ENOX1: variants seen among roughly 807,000 people sequenced by gnomAD.
ENOX1 encodes candidate growth-related and time keeping constitutive hydroquinone (NADH) oxidase.
A neutral mutation model predicts 82.5 loss-of-function variants in ENOX1; 42 were observed. The ratio of observed to expected loss-of-function variants is 0.51; its 90% confidence interval spans 0.40 to 0.66. ENOX1 has a LOEUF of 0.66. Ranked by LOEUF, ENOX1 falls within the 30% of genes least tolerant of loss-of-function variation. ENOX1 has a pLI of 0.00. For synonymous variants in ENOX1, 271 were observed against 282.2 expected (o/e 0.96, Z 0.40); for missense variants, 608 against 811.6 (o/e 0.75, Z 3.05).
intron 1 of ENOX1, among the ~76,000 whole-genome samples, chr13:43,745,558 G>A (rs1376288126): frequency 6.6e-6 from 1 of 152,134 alleles, no homozygotes; most frequent in Non-Finnish European, 1.5e-5. Flanking sequence ...ATTCACTACA[G>A]CTCTGTTTGT....
chr13:43,601,840 G>A (rs1191687499), intron 2 of ENOX1, among the ~76,000 whole-genome samples: 4 of 152,108 alleles, frequency 2.6e-5, no homozygotes, highest in East Asian at 1.9e-4. Context: ...GCTCCAATAC[G>A]TCTGCTGGCA....
chr13:43,667,502 C>G lies in ENOX1; in HGVS notation c.-242G>C. 2 of 985,508 alleles carry G rather than the reference C, an allele frequency of 2.0e-6. No individual in the cohort carries two copies. The highest frequency in any genetic ancestry group is 2.4e-6 in the Non-Finnish European group (2 of 829,900). The allele number at this position is 985,508 out of a possible 1,614,324, so 61.0% of individuals were successfully genotyped here. ...ACCTGAGCATGGTGAGCTCTCTCTC[C>G]TCCACATATTATAAATACGACATCA... On this transcript the variant is annotated 5_prime_UTR_variant, in exon 2 of 17. Coordinates refer to ENST00000690772, the MANE Select transcript of ENOX1 (RefSeq NM_001347969.2).
At chr13:43,429,048 C>T (rs2055502596) in intron 3 of ENOX1, among the ~76,000 whole-genome samples, 2 of 152,144 alleles carry the variant, frequency 1.3e-5, no homozygotes, top group Admixed American at 6.5e-5. Flanking sequence ...CTGGGCAAGT[C>T]GCTTTCTCTG....
chr13:43,335,189 A>G (rs2048627360), intron 9 of ENOX1, among the ~76,000 whole-genome samples: 1 of 152,190 alleles, frequency 6.6e-6, no homozygotes, highest in East Asian at 1.9e-4. Context: ...AGGTGTCTAC[A>G]CACATAAGTG....
chr13:43,247,849 A>G (rs1336816256), intron 14 of ENOX1, among the ~76,000 whole-genome samples: 1 of 1,178 alleles, frequency 8.5e-4, no homozygotes, highest in Non-Finnish European at 1.6e-3. Context: ...ATATATATAT[A>G]TATATATATA....
At chr13:43,515,115 G>A (rs1397880598) in intron 2 of ENOX1, among the ~76,000 whole-genome samples, 2 of 152,106 alleles carry the variant, frequency 1.3e-5, no homozygotes, top group Non-Finnish European at 2.9e-5. Flanking sequence ...TTCAAGTCAC[G>A]CAACCAGTAC....
At chr13:43,274,506 C>G (rs2044884930) in intron 12 of ENOX1, among the ~76,000 whole-genome samples, 1 of 152,216 alleles carries the variant, frequency 6.6e-6, no homozygotes, top group African/African-American at 2.4e-5. Flanking sequence ...GTCTTTTTCA[C>G]TTGAAATTTA....
At chr13:43,241,114 A>G (rs2042806812) in intron 14 of ENOX1, among the ~76,000 whole-genome samples, 1 of 152,208 alleles carries the variant, frequency 6.6e-6, no homozygotes, top group South Asian at 2.1e-4. Flanking sequence ...TGGGGAACAC[A>G]TAAGGACATT....
At chr13:43,439,708 T>C (rs2056257406) in intron 3 of ENOX1, among the ~76,000 whole-genome samples, 1 of 152,210 alleles carries the variant, frequency 6.6e-6, no homozygotes, top group South Asian at 2.1e-4. Context: ...TTCATTTACT[T>C]TTTTCTCAAT....
chr13:43,748,557 G>A (rs1950148317), intron 1 of ENOX1, among the ~76,000 whole-genome samples: 1 of 152,082 alleles, frequency 6.6e-6, no homozygotes, highest in Non-Finnish European at 1.5e-5. Flanking sequence ...TCAAGGACTT[G>A]GCTTTGAAGT....
intron 1 of ENOX1, among the ~76,000 whole-genome samples, chr13:43,753,849 G>A (rs991955069): frequency 2.1e-5 from 3 of 142,380 alleles, no homozygotes; most frequent in Non-Finnish European, 3.1e-5. Context: ...AGAGTAATAC[G>A]TCACCTTTCT....
At chr13:43,708,296 C>T (rs1468505280) in intron 1 of ENOX1, among the ~76,000 whole-genome samples, 3 of 152,156 alleles carry the variant, frequency 2.0e-5, no homozygotes, top group Non-Finnish European at 4.4e-5. Context: ...TTGCGCATGT[C>T]GACAGCCCAC....
chr13:43,454,415 C>CCCTGAAATT lies in ENOX1; in HGVS notation c.-75+29593_-75+29594insAATTTCAGG, dbSNP rs1186400514. ...AACTAGCACTGTCCAGCAACTGTAACCAGGGAGATTGAATTTCACCATGGG... is the reference window on the plus strand; with the variant it reads ...AACTAGCACTGTCCAGCAACTGTAACCCTGAAATTCAGGGAGATTGAATTTCACCATGGG... On this transcript the variant is annotated intron_variant, in intron 3 of 16. Coordinates refer to ENST00000690772, the MANE Select transcript of ENOX1 (RefSeq NM_001347969.2). 3.9e-5 allele frequency among the ~76,000 whole-genome samples: 6 copies of CCCTGAAATT among 152,170 alleles called. No homozygotes were observed. The East Asian group carries it at 1.2e-3, about 29-fold the overall frequency.
At chr13:43,348,216 T>C (rs1181100391) in intron 8 of ENOX1, among the ~76,000 whole-genome samples, 1 of 152,230 alleles carries the variant, frequency 6.6e-6, no homozygotes, top group Admixed American at 6.5e-5. Context: ...TAGGATGAAT[T>C]AGGTGTCTCT....
At chr13:43,246,554 C>T (rs561770510) in intron 14 of ENOX1, among the ~76,000 whole-genome samples, 4 of 152,196 alleles carry the variant, frequency 2.6e-5, no homozygotes, top group Non-Finnish European at 4.4e-5. Flanking sequence ...CTGCTGTTTG[C>T]GGGTGACGGA....
intron 1 of ENOX1, among the ~76,000 whole-genome samples, chr13:43,685,705 C>A (rs1294508395): frequency 6.6e-6 from 1 of 152,102 alleles, no homozygotes; most frequent in South Asian, 2.1e-4. Context: ...TCCTTCTGGA[C>A]TTTTAGATGA....
chr13:43,747,874 A>C (rs1249713843), intron 1 of ENOX1, among the ~76,000 whole-genome samples: 1 of 152,224 alleles, frequency 6.6e-6, no homozygotes, highest in Non-Finnish European at 1.5e-5. Flanking sequence ...GAAAAAAATC[A>C]GATCTTTTGT....
intron 1 of ENOX1, among the ~76,000 whole-genome samples, chr13:43,697,310 C>T (rs1212776870): frequency 2.6e-5 from 4 of 152,098 alleles, no homozygotes; most frequent in Admixed American, 2.6e-4. Context: ...AGTGGGAACA[C>T]AGGGAGAAGA....
intron 1 of ENOX1, among the ~76,000 whole-genome samples, chr13:43,725,006 T>C (rs1400641203): frequency 6.6e-6 from 1 of 152,178 alleles, no homozygotes; most frequent in Non-Finnish European, 1.5e-5. Flanking sequence ...AGGGCACAGC[T>C]GCCTCCACGG....
Sources: gnomAD v4.1 joint callset for allele counts (sites outside exome capture counted in the v4.1 genomes callset) on GRCh38, gnomAD v4.1.1 for gene constraint, MANE v1.5 for transcripts, NCBI Gene and HGNC (gene_info 2026-07-23, HGNC 2026-07-21) for gene names.